SEMA4F: variants seen among roughly 807,000 people sequenced by gnomAD.
SEMA4F encodes semaphorin-4F.
A neutral mutation model predicts 78.4 loss-of-function variants in SEMA4F; 51 were observed. The ratio of observed to expected loss-of-function variants is 0.65; its 90% CI spans 0.52 to 0.82. The LOEUF (loss-of-function observed/expected upper bound fraction) is 0.82. Among genes scored for constraint, SEMA4F ranks in the 40% least tolerant of loss-of-function variants. SEMA4F has a pLI of 0.00. For synonymous variants in SEMA4F, 418 were observed against 408.7 expected (o/e 1.02, Z -0.27); for missense variants, 938 against 1,014.4 (o/e 0.92, Z 1.02).
At chr2:74,674,034 A>G (rs1000113419) in intron 7 of SEMA4F, among the ~76,000 whole-genome samples, 10 of 152,226 alleles carry the variant, frequency 6.6e-5, no homozygotes, top group African/African-American at 2.4e-4. Flanking sequence ...CACACTGTCT[A>G]CAGTGTAGAG....
intron 12 of SEMA4F, among the ~76,000 whole-genome samples, chr2:74,678,545 C>A (rs1166406856): frequency 2.0e-5 from 3 of 152,164 alleles, no homozygotes; most frequent in Non-Finnish European, 4.4e-5. Context: ...TTGATTGAGG[C>A]TTTTTGTGTT....
intron 4 of SEMA4F, 31 bp downstream of exon 4, chr2:74,657,982 G>A (rs1251054472): frequency 2.5e-6 from 4 of 1,591,142 alleles, no homozygotes; most frequent in Non-Finnish European, 3.4e-6. Context: ...AGAGGGAGAG[G>A]GTGCCTGCAC....
At chr2:74,695,279 T>C in the SEMA4F span, among the ~76,000 whole-genome samples, 1 of 152,172 alleles carries the variant, frequency 6.6e-6, no homozygotes, top group Admixed American at 6.5e-5. Context: ...CTTATACTCG[T>C]AGAGCTCCTC....
the SEMA4F span, among the ~76,000 whole-genome samples, chr2:74,703,523 G>A: frequency 1.3e-3 from 195 of 152,338 alleles, 2 homozygotes; most frequent in African/African-American, 4.5e-3. Context: ...CCCGTTAGCT[G>A]CTGGGAAGCA....
In SEMA4F at chr2:74,679,737, T is replaced by C; in HGVS notation, c.1841T>C (p.Leu614Pro). The C allele has an allele frequency of 6.2e-7, 1 of 1,614,138 alleles. No homozygotes were observed. Among genetic ancestry groups the C allele is most frequent in the Non-Finnish European group, 8.5e-7 (1 of 1,180,024 alleles). The change falls in exon 14 of 14, where the codon CTG (leucine) becomes CCG (proline). Residue 614 changes from leucine to proline, a missense_variant. Transcript: ENST00000357877. ...VTALTPRRDGLEVVVTPGAMG... is the reference protein window; with the variant it reads ...VTALTPRRDGPEVVVTPGAMG... ...GCACTCACCCCCCGGCGGGATGGAC[T>C]GGAGGTGGTGGTGACCCCAGGGGCC...
At chr2:74,696,281 C>T in the SEMA4F span, among the ~76,000 whole-genome samples, 1 of 150,722 alleles carries the variant, frequency 6.6e-6, no homozygotes, top group Non-Finnish European at 1.5e-5. Flanking sequence ...CTGCAACCTC[C>T]ACCGCCCAGG....
chr2:74,674,616 T>C lies in SEMA4F; in HGVS notation c.941T>C (p.Val314Ala). Residue 314 changes from valine (V) to alanine (A), a missense_variant, in exon 8 of 14, where the codon GTG becomes GCG. By Grantham distance (64) the Val-to-Ala change is moderately conservative (BLOSUM62 0). Coordinates refer to ENST00000357877, the MANE Select transcript of SEMA4F (RefSeq NM_004263.5). ...TCCAGTGTCCTGCAGGATGTTGCTGTGCTTCGACCTGAGCTTGGGGCAGGG... is the reference window on the plus strand; with the variant it reads ...TCCAGTGTCCTGCAGGATGTTGCTGCGCTTCGACCTGAGCTTGGGGCAGGG... Reference protein sequence around the residue: ...RASSVLQDVAVLRPELGAGTP... With the variant: ...RASSVLQDVAALRPELGAGTP... 6.2e-7 allele frequency: 1 copy of C among 1,614,126 alleles called. No homozygotes were observed. The highest frequency in any genetic ancestry group is 1.1e-5 in the South Asian group (1 of 91,068).
chr2:74,673,601 T>G, intron 6 of SEMA4F, 25 bp downstream of exon 6: 1 of 1,613,892 alleles, frequency 6.2e-7, no homozygotes, highest in African/African-American at 1.3e-5. Flanking sequence ...AGGGGTCCTC[T>G]GGGGAGACCG....
the SEMA4F span, among the ~76,000 whole-genome samples, chr2:74,709,105 C>T: frequency 5.9e-5 from 9 of 152,242 alleles, no homozygotes; most frequent in Non-Finnish European, 1.0e-4. Context: ...GCAGAGGTTG[C>T]GGTGAGCTGT....
At chr2:74,695,156 G>A in the SEMA4F span, among the ~76,000 whole-genome samples, 2 of 152,142 alleles carry the variant, frequency 1.3e-5, no homozygotes, top group Non-Finnish European at 1.5e-5. Flanking sequence ...GGATCTCTGC[G>A]TGTCTCAGCA....
rs139910870 is a variant in SEMA4F at position 74,675,433 on chromosome 2, C to A, written c.1372+49C>A. ...TGCCTACCTAGTGCATACACATTCT[C>A]GTCACAGAGAGGGTACTGTAATACA... On this transcript the variant is annotated intron_variant, in intron 10 of 13. Coordinates refer to ENST00000357877, the MANE Select transcript of SEMA4F (RefSeq NM_004263.5). 4 of 1,594,526 alleles carry A rather than the reference C, an allele frequency of 2.5e-6. No individual in the cohort carries two copies. In the African/African-American group the frequency reaches 4.0e-5, roughly 16 times the overall value.
At position 74,679,980 on chromosome 2, in the gene SEMA4F, G is replaced by C; in HGVS notation, c.2084G>C (p.Arg695Thr). Residue 695 changes from arginine (R) to threonine (T), a missense_variant, in exon 14 of 14, where the codon AGA becomes ACA. Transcript: ENST00000357877. ...CGGCGACAGAGGGAACTTCTGGCTA[G>C]AGACAAGGTGGGCCTGGACCTGGGG... is the stretch of plus-strand genomic sequence containing the variant. Reference protein sequence around the residue: ...QRRRQRELLARDKVGLDLGAP... With the variant: ...QRRRQRELLATDKVGLDLGAP... The C allele has an allele frequency of 1.9e-6, 3 of 1,614,236 alleles. No homozygotes were observed. Among genetic ancestry groups the C allele is most frequent in the Non-Finnish European group, 2.5e-6 (3 of 1,180,036 alleles).
rs368796391 is a variant in SEMA4F, at chr2:74,656,658, G to T, written c.270G>T (p.Leu90=). ...GARDTIFALS[L]PFSGERPRRI... ...GGGACACCATCTTCGCTTTATCCCTGCCCTTCTCAGGGGAGAGACCCCGCA... is the reference window on the plus strand; with the variant it reads ...GGGACACCATCTTCGCTTTATCCCTTCCCTTCTCAGGGGAGAGACCCCGCA... Residue 90 remains leucine (L), a synonymous_variant, in exon 2 of 14, where the codon CTG becomes CTT. Transcript: ENST00000357877. 1 of 1,614,144 alleles carries T rather than the reference G, an allele frequency of 6.2e-7. No homozygotes were observed.
At chr2:74,695,923 A>C in the SEMA4F span, among the ~76,000 whole-genome samples, 2 of 152,146 alleles carry the variant, frequency 1.3e-5, no homozygotes, top group Non-Finnish European at 2.9e-5. Flanking sequence ...TACCTTATTT[A>C]TAGAAGAGCA....
At position 74,662,641 on chromosome 2, in the gene SEMA4F, T is replaced by A. The variant is rs1009645467; in HGVS notation, c.457-91T>A. On this transcript the variant is annotated intron_variant, in intron 4 of 13. Transcript: ENST00000357877. ...GAGTGGAAGGGGAGAGGAATGGGAA[T>A]TGACCTTTTCCTTCATCTGACCATC... is the stretch of plus-strand genomic sequence containing the variant. 2.7e-5 allele frequency: 28 copies of A among 1,033,856 alleles called. No homozygotes were observed. In the Middle Eastern group the frequency reaches 7.5e-4, roughly 28 times the overall value. 64.0% of individuals were successfully genotyped at this position (1,033,856 alleles called of 1,614,324 possible).
At chr2:74,688,460 G>A (rs1685861695), downstream of SEMA4F, among the ~76,000 whole-genome samples, 1 of 152,076 alleles carries the variant, frequency 6.6e-6, no homozygotes, top group Admixed American at 6.5e-5. Flanking sequence ...TCATAAATGA[G>A]CTTTTAGAAA....
intron 1 of SEMA4F, 73 bp downstream of exon 1, chr2:74,654,594 C>T: frequency 1.5e-6 from 2 of 1,334,228 alleles, no homozygotes; most frequent in Middle Eastern, 2.0e-4. Context: ...CTCCTCAGAC[C>T]GCTCGGCCGG....
the SEMA4F span, among the ~76,000 whole-genome samples, chr2:74,691,830 T>A: frequency 2.0e-5 from 3 of 152,254 alleles, no homozygotes; most frequent in African/African-American, 7.2e-5. Flanking sequence ...AGATGAGGGA[T>A]GATTATGCCA....
rs1685709132 is a variant in SEMA4F at position 74,683,065 on chromosome 2, T to A, written c.*2856T>A. On this transcript the variant is annotated 3_prime_UTR_variant, in exon 14 of 14. Transcript: ENST00000357877. ...TGTATAGTGTGCTTTGCCTCCTGTT[T>A]CTAGGGACCTGTGAGTATCAGCTTT... 1 of 152,876 alleles carries A rather than the reference T, an allele frequency of 6.5e-6. No homozygotes were observed. The allele number at this position is 152,876 out of a possible 1,614,324, so 9.5% of individuals were successfully genotyped here.
Sources: allele counts gnomAD v4.1 joint callset (sites outside exome capture counted in the v4.1 genomes callset), GRCh38; gene constraint gnomAD v4.1.1; transcripts MANE v1.5; gene names NCBI Gene and HGNC (gene_info 2026-07-23, HGNC 2026-07-21).